Variants in CILK1 observed in about 807,000 individuals in gnomAD.
The protein encoded by CILK1 is serine/threonine-protein kinase ICK.
A neutral mutation model predicts 79.2 loss-of-function variants in CILK1; 47 were observed. That is an observed-to-expected ratio of 0.59 (90% CI 0.47 to 0.76). CILK1 has a LOEUF of 0.76. Ranked by LOEUF, CILK1 falls within the 30% of genes least tolerant of loss-of-function variation. The pLI is 0.00. For synonymous variants in CILK1, 266 were observed against 275.9 expected (o/e 0.96, Z 0.36); for missense variants, 660 against 769.5 (o/e 0.86, Z 1.68).
chr6:53,034,915 C>G (rs532043367), intron 3 of CILK1, among the ~76,000 whole-genome samples: 1 of 152,006 alleles, frequency 6.6e-6, no homozygotes, highest in Non-Finnish European at 1.5e-5. Context: ...GCGGGCATGT[C>G]AGGAGGGAAG....
chr6:53,032,557 T>C lies in CILK1; in HGVS notation c.254A>G (p.Asn85Ser). 6.2e-7 allele frequency: 1 copy of C among 1,608,548 alleles called. No homozygotes were observed. The highest frequency in any genetic ancestry group is 8.5e-7 in the Non-Finnish European group (1 of 1,176,160). ...CCTCTCTTTAATGAGCTGGTAAAGA[T>C]TTTCCTTCATGTACTCGAAGATAAA... ...LYFIFEYMKE[N>S]LYQLIKERNK... is the part of the protein sequence containing the mutation. Residue 85 changes from asparagine (N) to serine (S), a missense_variant, in exon 4 of 14, where the codon AAT (asparagine) becomes AGT (serine). By Grantham distance (46) the Asn-to-Ser change is conservative. Transcript: ENST00000676107.
intron 1 of CILK1, among the ~76,000 whole-genome samples, chr6:53,041,677 GGA>G (rs1365199004): frequency 2.0e-5 from 3 of 152,186 alleles, no homozygotes; most frequent in Non-Finnish European, 4.4e-5. Context: ...CTGTCCATGT[GGA>G]GTTTGCACAT....
In CILK1 at chr6:53,005,216, C is replaced by T. The variant is rs142323970; in HGVS notation, c.1832G>A (p.Arg611Gln). 2 of 1,614,152 alleles carry T rather than the reference C, an allele frequency of 1.2e-6. No individual in the cohort carries two copies. The highest frequency in any genetic ancestry group is 1.3e-5 in the African/African-American group (1 of 75,036). The change falls in exon 14 of 14, where the codon CGG becomes CAG. Residue 611 changes from arginine to glutamine, a missense_variant. Transcript: ENST00000676107. ...ATGCACTGGCTGGGCGGCTGGAGGC[C>T]GTGGTATCAACCCAGGAGTGCTTCT... ...QPRSTPGLIP[R>Q]PPAAQPVHGR...
Position 53,013,872 on chromosome 6 carries a change from A to G in CILK1, c.942T>C (p.Pro314=). 6.2e-7 allele frequency: 1 copy of G among 1,613,952 alleles called. No individual in the cohort carries two copies. Among genetic ancestry groups the G allele is most frequent in the East Asian group, 2.2e-5 (1 of 44,876 alleles). The part of the protein sequence containing the change: ...QKGILEKAGP[P]PYIKPVPPAQ... ...CAGGTGGGACTGGCTTAATATAAGG[A>G]GGTGGGCCTGCCTTTTCCAGGATGC... Residue 314 remains proline, a synonymous_variant, in exon 9 of 14, where the codon CCT becomes CCC. Coordinates refer to ENST00000676107, the MANE Select transcript of CILK1 (RefSeq NM_014920.5).
intron 3 of CILK1, among the ~76,000 whole-genome samples, chr6:53,034,379 T>C (rs1766170857): frequency 6.6e-6 from 1 of 152,196 alleles, no homozygotes; most frequent in Non-Finnish European, 1.5e-5. Context: ...ATTAATTTTG[T>C]GTGGGGGACG....
At position 53,018,030 on chromosome 6, in the gene CILK1, C is replaced by T. The variant is rs1488889907; in HGVS notation, c.663+300G>A. Among the ~76,000 whole-genome samples, 3 of 152,126 alleles carry T rather than the reference C, an allele frequency of 2.0e-5. No individual in the cohort carries two copies. In the East Asian group the frequency reaches 5.8e-4, roughly 29 times the overall value. Reference sequence around the variant, plus strand: ...GGAGGCAGCGGCTAAGGATTACATTCAGGAGACTTCTGAACAGGCGTAGGA... The same window carrying T: ...GGAGGCAGCGGCTAAGGATTACATTTAGGAGACTTCTGAACAGGCGTAGGA... On this transcript the variant is annotated intron_variant, in intron 7 of 13. Coordinates refer to ENST00000676107, the MANE Select transcript of CILK1 (RefSeq NM_014920.5).
chr6:53,012,348 T>C, intron 9 of CILK1, 121 bp from the exon 10 acceptor site: 1 of 838,704 alleles, frequency 1.2e-6, no homozygotes, highest in Middle Eastern at 3.0e-4. Flanking sequence ...TAACATTGCT[T>C]ATCTGAAGGG....
intron 11 of CILK1, among the ~76,000 whole-genome samples, chr6:53,010,652 C>T (rs1434632623): frequency 1.3e-5 from 2 of 152,224 alleles, no homozygotes; most frequent in African/African-American, 4.8e-5. Context: ...GACCTTTGCA[C>T]TTGCTGTTTC....
chr6:53,002,711 A>G lies in CILK1; in HGVS notation c.*2438T>C, dbSNP rs1340872335. On this transcript the variant is annotated 3_prime_UTR_variant, in exon 14 of 14. Coordinates refer to ENST00000676107, the MANE Select transcript of CILK1 (RefSeq NM_014920.5). ...CATCAGCTACTTGATTTTTTTTATG[A>G]ATATGTGTTTGGCTTCCCCAGGGAA... 1 of 152,154 alleles carries G rather than the reference A, an allele frequency of 6.6e-6. No homozygotes were observed. The highest frequency in any genetic ancestry group is 6.5e-5 in the Admixed American group (1 of 15,282). 9.4% of individuals were successfully genotyped at this position (152,154 alleles called of 1,614,324 possible).
In CILK1 at chr6:53,019,323, A is replaced by G. The variant is rs1357292686; in HGVS notation, c.395T>C (p.Leu132Pro). 23 of 1,614,144 alleles carry G rather than the reference A, an allele frequency of 1.4e-5. No homozygotes were observed. Among genetic ancestry groups the G allele is most frequent in the Non-Finnish European group, 1.9e-5 (23 of 1,179,984 alleles). ...FHRDLKPENL[L>P]CMGPELVKIA... is the part of the protein sequence containing the mutation. ...TTTCACAAGTTCTGGTCCCATGCAG[A>G]GGAGGTTCTCAGGCTTTAAGTCTCG... The change falls in exon 6 of 14, where the codon CTC (leucine) becomes CCC (proline). Residue 132 changes from leucine to proline, a missense_variant. Physicochemically the swap from Leu to Pro is moderately conservative, Grantham distance 98. Coordinates refer to ENST00000676107, the MANE Select transcript of CILK1 (RefSeq NM_014920.5).
chr6:53,047,571 A>G (rs1212286614), intron 1 of CILK1, among the ~76,000 whole-genome samples: 3 of 143,084 alleles, frequency 2.1e-5, no homozygotes, highest in Non-Finnish European at 4.5e-5. Context: ...TTGGCTTCCC[A>G]AAGTGCTAGG....
Position 53,013,700 on chromosome 6 carries a change from A to G in CILK1, c.1114T>C (p.Leu372=). ...SHLQEDKPSP[L]LFPSLHNKHP... ...TTGTTGTGGAGGGATGGGAAAAGCA[A>G]CGGGCTTGGCTTGTCCTCCTGGAGA... Residue 372 remains leucine, a synonymous_variant, in exon 9 of 14, where the codon TTG becomes CTG. Coordinates refer to ENST00000676107, the MANE Select transcript of CILK1 (RefSeq NM_014920.5). The G allele has an allele frequency of 6.3e-6, 10 of 1,584,220 alleles. No homozygotes were observed. Among genetic ancestry groups the G allele is most frequent in the Non-Finnish European group, 8.7e-6 (10 of 1,154,078 alleles).
intron 3 of CILK1, 41 bp from the exon 4 acceptor site, chr6:53,032,695 G>C (rs1766049761): frequency 6.6e-7 from 1 of 1,523,370 alleles, no homozygotes; most frequent in African/African-American, 1.4e-5. Flanking sequence ...ACAAATATTA[G>C]AGAAAATCTG....
chr6:53,005,187 G>A lies in CILK1; in HGVS notation c.1861C>T (p.Arg621Trp). 8 of 1,614,192 alleles carry A rather than the reference G, an allele frequency of 5.0e-6. No individual in the cohort carries two copies. The highest frequency in any genetic ancestry group is 1.1e-5 in the South Asian group (1 of 91,078). The change falls in exon 14 of 14, where the codon CGG becomes TGG. Residue 621 changes from arginine to tryptophan, a missense_variant. Arg to Trp is a moderately radical substitution (Grantham distance 101, BLOSUM62 -3). Coordinates refer to ENST00000676107, the MANE Select transcript of CILK1 (RefSeq NM_014920.5). ...RPPAAQPVHG[R>W]TDWASKYASR... ...GCGTACTTGGAAGCCCAGTCTGTCC[G>A]GCCATGCACTGGCTGGGCGGCTGGA...
At chr6:53,034,537 A>C (rs973251574) in intron 3 of CILK1, among the ~76,000 whole-genome samples, 2 of 152,108 alleles carry the variant, frequency 1.3e-5, no homozygotes, top group East Asian at 3.9e-4. Context: ...CAACAGTCCA[A>C]ATGTGGACTG....
chr6:53,039,140 C>T (rs73740912), intron 2 of CILK1, among the ~76,000 whole-genome samples: 1 of 152,170 alleles, frequency 6.6e-6, no homozygotes, highest in Non-Finnish European at 1.5e-5. Context: ...TTAGCCCCTG[C>T]TATGTAGTAC....
intron 1 of CILK1, among the ~76,000 whole-genome samples, chr6:53,042,662 G>C (rs548380435): frequency 2.9e-4 from 44 of 152,262 alleles, no homozygotes; most frequent in Admixed American, 6.5e-4. Flanking sequence ...CTATAATAAA[G>C]AAACTGTAGT....
chr6:53,017,989 T>C (rs1397774181), intron 7 of CILK1, among the ~76,000 whole-genome samples: 1 of 151,670 alleles, frequency 6.6e-6, no homozygotes, highest in Non-Finnish European at 1.5e-5. Context: ...AACATGTGAG[T>C]GTAGTAATAA....
At chr6:53,019,824 G>GTTTTTTT (rs1340946657) in intron 5 of CILK1, among the ~76,000 whole-genome samples, 1 of 132,980 alleles carries the variant, frequency 7.5e-6, no homozygotes, top group Non-Finnish European at 1.7e-5. Context: ...TGCCTGGCTA[G>GTTTTTTT]TTTTTTTGTT....
Sources: allele counts gnomAD v4.1 joint callset (sites outside exome capture counted in the v4.1 genomes callset), GRCh38; gene constraint gnomAD v4.1.1; transcripts MANE v1.5; gene names NCBI Gene and HGNC (gene_info 2026-07-23, HGNC 2026-07-21).